The following ZNF569 variants were observed in gnomAD, a reference collection of about 807,000 sequenced individuals.
The protein encoded by ZNF569 is DNA-binding protein.
In ZNF569, 38 loss-of-function variants were observed where a neutral mutation model predicts 56.3. The observed-to-expected ratio is 0.68, with a 90% CI of 0.52 to 0.88. The LOEUF is 0.88. Ranked by LOEUF, ZNF569 falls within the 40% of genes least tolerant of loss-of-function variation. The pLI, the probability that ZNF569 is intolerant of heterozygous loss-of-function variation, is 0.00. For missense variants in ZNF569, 666 were observed against 809.2 expected (o/e 0.82, Z 2.15); for synonymous variants, 241 against 262.9 (o/e 0.92, Z 0.81).
intron 2 of ZNF569, among the ~76,000 whole-genome samples, chr19:37,452,651 C>T (rs1001527731): frequency 1.3e-5 from 2 of 152,046 alleles, no homozygotes; most frequent in Non-Finnish European, 2.9e-5. Flanking sequence ...ACTCTGTTCT[C>T]GCCTGCAAAG....
chr19:37,414,672 TAGAA>T (rs947426957), intron 5 of ZNF569, among the ~76,000 whole-genome samples: 10 of 152,002 alleles, frequency 6.6e-5, no homozygotes, highest in African/African-American at 2.4e-4. Flanking sequence ...AATGATCTGA[TAGAA>T]AACAAATAGG....
At chr19:37,451,187 G>A (rs1258332266) in intron 2 of ZNF569, among the ~76,000 whole-genome samples, 1 of 151,974 alleles carries the variant, frequency 6.6e-6, no homozygotes, top group Non-Finnish European at 1.5e-5. Context: ...ATCACCTGAG[G>A]TCAGGAGTTC....
chr19:37,431,669 A>G (rs2041226833), intron 3 of ZNF569: 1 of 152,178 alleles, frequency 6.6e-6, no homozygotes, highest in Non-Finnish European at 1.5e-5. Flanking sequence ...GAGAGGGCAA[A>G]GTATAGGGAA....
intron 2 of ZNF569, chr19:37,454,813 T>C: frequency 1.4e-6 from 1 of 701,726 alleles, no homozygotes. Flanking sequence ...GTTTAAAAAC[T>C]TGATAGCTGT....
At chr19:37,460,065 A>C (rs533058047) in intron 2 of ZNF569, among the ~76,000 whole-genome samples, 1 of 152,326 alleles carries the variant, frequency 6.6e-6, no homozygotes, top group East Asian at 1.9e-4. Context: ...GAAATAAAAA[A>C]ATTTTCTATT....
Position 37,412,512 on chromosome 19 carries a change from C to G in ZNF569, c.*85G>C. Reference sequence around the variant, plus strand: ...AAGGCTATCCCACATTCATAGTTTTCTACTCTGGAAGTGATCATGTAATGT... The same window carrying G: ...AAGGCTATCCCACATTCATAGTTTTGTACTCTGGAAGTGATCATGTAATGT... On this transcript the variant is annotated 3_prime_UTR_variant, in exon 6 of 6. Transcript: ENST00000316950. 7.0e-7 allele frequency: 1 copy of G among 1,437,222 alleles called. No homozygotes were observed. The highest frequency in any genetic ancestry group is 9.1e-7 in the Non-Finnish European group (1 of 1,095,622). 89.0% of individuals were successfully genotyped at this position (1,437,222 alleles called of 1,614,324 possible). A position where few individuals can be genotyped will look rare whatever the true frequency, so the allele number is the denominator to read the frequency against.
intron 2 of ZNF569, among the ~76,000 whole-genome samples, chr19:37,449,891 A>C (rs1427270518): frequency 6.6e-6 from 1 of 152,190 alleles, no homozygotes; most frequent in Non-Finnish European, 1.5e-5. Context: ...CAGCTGGATT[A>C]AGATGTACCA....
chr19:37,442,404 T>G (rs2041421308), intron 3 of ZNF569, among the ~76,000 whole-genome samples: 1 of 152,094 alleles, frequency 6.6e-6, no homozygotes, highest in South Asian at 2.1e-4. Context: ...GGGGAAAGGT[T>G]AGTGAGGGTG....
chr19:37,413,055 C>A lies in ZNF569; in HGVS notation c.1603G>T (p.Ala535Ser), dbSNP rs144306949. ...CTTCTCAAATGAAGGGTAAGGGATG[C>A]AATTTGAGAGAAGGCTTTACCACAT... ...NECGKAFSQI[A>S]SLTLHLRSHT... Residue 535 changes from alanine (A) to serine (S), a missense_variant, in exon 6 of 6, where the codon GCA (alanine) becomes TCA (serine). Transcript: ENST00000316950. 36 of 1,613,318 alleles carry A rather than the reference C, an allele frequency of 2.2e-5. No individual in the cohort carries two copies. Among genetic ancestry groups the A allele is most frequent in the Non-Finnish European group, 8.5e-6 (10 of 1,179,796 alleles).
rs780089041 is a variant in ZNF569, at chr19:37,414,160, T to C, written c.498A>G (p.Glu166=). The C allele has an allele frequency of 1.2e-6, 2 of 1,613,602 alleles. No individual in the cohort carries two copies. Among genetic ancestry groups the C allele is most frequent in the Admixed American group, 1.7e-5 (1 of 59,972 alleles). Reference sequence around the variant, plus strand: ...CATATGATTTCACAGGTTCATTATATTCACAATGCTCCTTTCTCATAAGGC... The same window carrying C: ...CATATGATTTCACAGGTTCATTATACTCACAATGCTCCTTTCTCATAAGGC... ...VKCLMRKEHC[E]YNEPVKSYGN... Residue 166 remains glutamate, a synonymous_variant, in exon 6 of 6, where the codon GAA becomes GAG. Coordinates refer to ENST00000316950, the MANE Select transcript of ZNF569 (RefSeq NM_152484.3).
rs1325062741 is a variant in ZNF569, at chr19:37,426,353, G to C, written c.41C>G (p.Ala14Gly). 3 of 1,612,104 alleles carry C rather than the reference G, an allele frequency of 1.9e-6. No individual in the cohort carries two copies. The highest frequency in any genetic ancestry group is 2.5e-6 in the Non-Finnish European group (3 of 1,179,302). ...SQGTVTFKDVAIDFTQEEWKR... is the reference protein window; with the variant it reads ...SQGTVTFKDVGIDFTQEEWKR... ...CCACTCCTCCTGAGTGAAGTCGATA[G>C]CCACATCTTTGAATGTTACTGTTCC... is the stretch of plus-strand genomic sequence containing the variant. The change falls in exon 4 of 6, where the codon GCT (alanine) becomes GGT (glycine). Residue 14 changes from alanine (A) to glycine (G), a missense_variant. Transcript: ENST00000316950.
At chr19:37,449,676 C>CT (rs199513405) in intron 2 of ZNF569, among the ~76,000 whole-genome samples, 2,607 of 149,132 alleles carry the variant, frequency 0.017, 98 homozygotes, top group African/African-American at 0.061. Flanking sequence ...TATTTTGTGG[C>CT]TTTTTTTAAT....
chr19:37,432,432 G>T (rs183930884), intron 3 of ZNF569, among the ~76,000 whole-genome samples: 46 of 152,312 alleles, frequency 3.0e-4, no homozygotes, highest in Non-Finnish European at 7.3e-5. Flanking sequence ...CTATGATTCT[G>T]TAAGAGCCAC....
At chr19:37,459,054 C>T (rs2041717394) in intron 2 of ZNF569, among the ~76,000 whole-genome samples, 1 of 151,928 alleles carries the variant, frequency 6.6e-6, no homozygotes, top group Admixed American at 6.6e-5. Context: ...AACCATGGGA[C>T]AATATCAAAA....
At chr19:37,437,514 T>A (rs1392976671) in intron 3 of ZNF569, among the ~76,000 whole-genome samples, 1 of 152,038 alleles carries the variant, frequency 6.6e-6, no homozygotes, top group Non-Finnish European at 1.5e-5. Flanking sequence ...GTAAAGGGCA[T>A]CCAAATTAAA....
rs1298933695 is a variant in ZNF569 at position 37,412,508 on chromosome 19, T to A, written c.*89A>T. 1 of 1,431,636 alleles carries A rather than the reference T, an allele frequency of 7.0e-7. No homozygotes were observed. The highest frequency in any genetic ancestry group is 9.2e-7 in the Non-Finnish European group (1 of 1,092,868). The allele number at this position is 1,431,636 out of a possible 1,614,324, so 88.7% of individuals were successfully genotyped here. A position where few individuals can be genotyped will look rare whatever the true frequency, so the allele number is the denominator to read the frequency against. ...TCAGAAGGCTATCCCACATTCATAG[T>A]TTTCTACTCTGGAAGTGATCATGTA... is the stretch of plus-strand genomic sequence containing the variant. On this transcript the variant is annotated 3_prime_UTR_variant, in exon 6 of 6. Transcript: ENST00000316950.
At chr19:37,418,716 A>T (rs2040979300) in intron 5 of ZNF569, among the ~76,000 whole-genome samples, 1 of 152,200 alleles carries the variant, frequency 6.6e-6, no homozygotes, top group African/African-American at 2.4e-5. Context: ...AATTGCCTGC[A>T]CTGTGCAATG....
chr19:37,447,320 T>C (rs554373719), intron 2 of ZNF569, among the ~76,000 whole-genome samples: 30 of 152,168 alleles, frequency 2.0e-4, no homozygotes, highest in African/African-American at 6.5e-4. Flanking sequence ...CAATTCGCAA[T>C]TGCAAAAATA....
chr19:37,413,211 C>A lies in ZNF569; in HGVS notation c.1447G>T (p.Ala483Ser), dbSNP rs1198441489. 4 of 1,608,770 alleles carry A rather than the reference C, an allele frequency of 2.5e-6. No individual in the cohort carries two copies. In the East Asian group the frequency reaches 8.9e-5, roughly 36 times the overall value. The change falls in exon 6 of 6, where the codon GCT (alanine) becomes TCT (serine). Residue 483 changes from alanine (A) to serine (S), a missense_variant. Coordinates refer to ENST00000316950, the MANE Select transcript of ZNF569 (RefSeq NM_152484.3). ...KAFSQKSNLI[A>S]HEKIHSGEKP... ...TCTCCAGAATGAATTTTTTCATGAG[C>A]AATGAGATTTGATTTCTGGCTAAAG...
Sources: allele counts gnomAD v4.1 joint callset (sites outside exome capture counted in the v4.1 genomes callset), GRCh38; gene constraint gnomAD v4.1.1; transcripts MANE v1.5; gene names NCBI Gene and HGNC (gene_info 2026-07-23, HGNC 2026-07-21).